B3GALT1: variants seen among roughly 807,000 people sequenced by gnomAD.
B3GALT1 encodes the protein beta-1,3-galactosyltransferase 1, also known as UDP-Gal:betaGlcNAc beta 1,3-galactosyltransferase, polypeptide 1.
In B3GALT1, 10 loss-of-function variants were observed where a neutral mutation model predicts 23.2. That is an observed-to-expected ratio of 0.43 (90% CI 0.27 to 0.73). The LOEUF (loss-of-function observed/expected upper bound fraction) is 0.73. Among genes scored for constraint, B3GALT1 ranks in the 30% least tolerant of loss-of-function variants. The probability of loss-of-function intolerance (pLI) is 0.21; values close to 1 mark genes in which losing one functional copy is unlikely to be tolerated. For missense variants in B3GALT1, 299 were observed against 405.4 expected (o/e 0.74, Z 2.25); for synonymous variants, 156 against 141.5 (o/e 1.10, Z -0.73).
intron 3 of B3GALT1, among the ~76,000 whole-genome samples, chr2:167,798,048 T>C (rs1688572317): frequency 6.6e-6 from 1 of 152,294 alleles, no homozygotes; most frequent in East Asian, 1.9e-4. Context: ...ATCTATGACA[T>C]TGAGCTTTTT....
intron 3 of B3GALT1, among the ~76,000 whole-genome samples, chr2:167,707,667 C>G (rs984026637): frequency 6.6e-6 from 1 of 152,068 alleles, no homozygotes; most frequent in Non-Finnish European, 1.5e-5. Flanking sequence ...TTGGGCCCAC[C>G]CAGATAATCC....
intron 2 of B3GALT1, among the ~76,000 whole-genome samples, chr2:167,562,649 CT>C (rs60455696): frequency 3.5e-3 from 492 of 138,746 alleles, no homozygotes; most frequent in Middle Eastern, 7.7e-3. Flanking sequence ...CACAAGCATT[CT>C]TTTTTTTTTT....
chr2:167,768,443 A>T (rs1293831852), intron 3 of B3GALT1, among the ~76,000 whole-genome samples: 8 of 152,112 alleles, frequency 5.3e-5, no homozygotes, highest in Non-Finnish European at 7.4e-5. Context: ...TAGGCCAAAA[A>T]ACCTCCTTAC....
chr2:167,310,593 G>A (rs1021249974), intron 1 of B3GALT1, among the ~76,000 whole-genome samples: 1 of 152,170 alleles, frequency 6.6e-6, no homozygotes, highest in Non-Finnish European at 1.5e-5. Flanking sequence ...TCCTGGAATG[G>A]CCTAAGTGGG....
intron 2 of B3GALT1, among the ~76,000 whole-genome samples, chr2:167,516,165 C>T (rs190850965): frequency 1.3e-5 from 2 of 152,144 alleles, no homozygotes; most frequent in Admixed American, 1.3e-4. Context: ...GTTAGAAATG[C>T]TGCAAATTTC....
chr2:167,346,750 G>A (rs908442742), intron 1 of B3GALT1, among the ~76,000 whole-genome samples: 1 of 150,536 alleles, frequency 6.6e-6, no homozygotes, highest in African/African-American at 2.4e-5. Context: ...GTGTGTGGGG[G>A]GGGGGTGGTG....
chr2:167,462,458 C>A (rs1360150147), intron 1 of B3GALT1, among the ~76,000 whole-genome samples: 1 of 152,144 alleles, frequency 6.6e-6, no homozygotes, highest in Non-Finnish European at 1.5e-5. Context: ...TATCCTTTCC[C>A]TGGACTACAT....
chr2:167,734,431 T>C (rs1687460715), intron 3 of B3GALT1, among the ~76,000 whole-genome samples: 1 of 152,174 alleles, frequency 6.6e-6, no homozygotes, highest in African/African-American at 2.4e-5. Context: ...CAATAGCAAC[T>C]TTTCAGTTTC....
chr2:167,769,953 T>C (rs1558973392), intron 3 of B3GALT1, among the ~76,000 whole-genome samples: 1 of 152,222 alleles, frequency 6.6e-6, no homozygotes, highest in Non-Finnish European at 1.5e-5. Context: ...TTTAACTTTG[T>C]AGGAAGCTAT....
At chr2:167,436,833 C>T (rs1698793441) in intron 1 of B3GALT1, among the ~76,000 whole-genome samples, 1 of 152,116 alleles carries the variant, frequency 6.6e-6, no homozygotes, top group Admixed American at 6.6e-5. Flanking sequence ...CTAACTACTA[C>T]ATTCATAGTC....
In B3GALT1 at chr2:167,873,570, G is replaced by A. The variant is rs114067669; in HGVS notation, c.*3550G>A. ...AATATGTGGGTTTAGTGGGAGAATT[G>A]ATTATGTCATTTCTTCTGTAAAGGT... On this transcript the variant is annotated 3_prime_UTR_variant, in exon 5 of 5. Coordinates refer to ENST00000392690, the MANE Select transcript of B3GALT1 (RefSeq NM_020981.4). 271 of 152,286 alleles carry A rather than the reference G, an allele frequency of 1.8e-3. 4 individuals carry two copies. Among genetic ancestry groups the A allele is most frequent in the African/African-American group, 6.0e-3 (249 of 41,560 alleles). 9.4% of individuals were successfully genotyped at this position (152,286 alleles called of 1,614,324 possible). A position where few individuals can be genotyped will look rare whatever the true frequency, so the allele number is the denominator to read the frequency against.
intron 2 of B3GALT1, among the ~76,000 whole-genome samples, chr2:167,529,178 A>G (rs980026770): frequency 6.6e-6 from 1 of 152,060 alleles, no homozygotes; most frequent in Non-Finnish European, 1.5e-5. Context: ...CCTGGAACAC[A>G]TACCTTCCTG....
At chr2:167,297,076 AAGAG>A (rs1696363209) in intron 1 of B3GALT1, among the ~76,000 whole-genome samples, 1 of 152,144 alleles carries the variant, frequency 6.6e-6, no homozygotes, top group African/African-American at 2.4e-5. Context: ...AAAGGCAAAA[AAGAG>A]AGATCTAAAG....
Position 167,868,991 on chromosome 2 carries a change from C to A in B3GALT1, c.-49C>A, listed in dbSNP as rs1431724328. The A allele has an allele frequency of 3.3e-6, 5 of 1,525,610 alleles. No individual in the cohort carries two copies. The highest frequency in any genetic ancestry group is 4.4e-6 in the Non-Finnish European group (5 of 1,138,100). 94.5% of individuals were successfully genotyped at this position (1,525,610 alleles called of 1,614,324 possible). Reference sequence around the variant, plus strand: ...TTTGGAAGATGAAAACAAACTAGTGCCAAGGAGGCGTATTCTTCAATATTT... The same window carrying A: ...TTTGGAAGATGAAAACAAACTAGTGACAAGGAGGCGTATTCTTCAATATTT... On this transcript the variant is annotated 5_prime_UTR_variant, in exon 5 of 5. Coordinates refer to ENST00000392690, the MANE Select transcript of B3GALT1 (RefSeq NM_020981.4).
chr2:167,444,346 C>T (rs974319155), intron 1 of B3GALT1, among the ~76,000 whole-genome samples: 17 of 151,926 alleles, frequency 1.1e-4, no homozygotes, highest in African/African-American at 1.5e-4. Flanking sequence ...GTTTTGTCTC[C>T]GCCAGGCTTT....
intron 1 of B3GALT1, among the ~76,000 whole-genome samples, chr2:167,452,675 C>G (rs978146715): frequency 1.3e-5 from 2 of 152,200 alleles, no homozygotes; most frequent in African/African-American, 4.8e-5. Context: ...ACACATTGCT[C>G]TGTTCATCCG....
intron 1 of B3GALT1, among the ~76,000 whole-genome samples, chr2:167,358,876 C>T (rs1366439838): frequency 6.6e-6 from 1 of 152,146 alleles, no homozygotes; most frequent in Non-Finnish European, 1.5e-5. Context: ...AATCTTGGCT[C>T]ACTGCAACCT....
At chr2:167,342,402 A>AC (rs1697161912) in intron 1 of B3GALT1, among the ~76,000 whole-genome samples, 1 of 152,070 alleles carries the variant, frequency 6.6e-6, no homozygotes, top group South Asian at 2.1e-4. Context: ...AGCCTGACCA[A>AC]CATGGTGAAA....
At chr2:167,732,197 C>A (rs1474881877) in intron 3 of B3GALT1, among the ~76,000 whole-genome samples, 1 of 152,176 alleles carries the variant, frequency 6.6e-6, no homozygotes, top group Non-Finnish European at 1.5e-5. Flanking sequence ...TCAGTCCACA[C>A]AGCCAGTGTA....
Sources: gnomAD v4.1 joint callset for allele counts (sites outside exome capture counted in the v4.1 genomes callset) on GRCh38, gnomAD v4.1.1 for gene constraint, MANE v1.5 for transcripts, NCBI Gene and HGNC (gene_info 2026-07-23, HGNC 2026-07-21) for gene names.